Variants in FAF1 observed in about 807,000 individuals in gnomAD.
The protein encoded by FAF1 is FAS-associated factor 1.
A neutral mutation model predicts 92.5 loss-of-function variants in FAF1; 25 were observed. The ratio of observed to expected loss-of-function variants is 0.27; its 90% CI spans 0.20 to 0.38. The LOEUF is 0.38. Ranked by LOEUF, FAF1 falls within the 10% of genes least tolerant of loss-of-function variation. The probability of loss-of-function intolerance (pLI) is 1.00; values close to 1 mark genes in which losing one functional copy is unlikely to be tolerated. For missense variants in FAF1, 636 were observed against 793.3 expected, an observed-to-expected ratio of 0.80 and a Z score of 2.38; for synonymous variants, 234 against 273.2, an observed-to-expected ratio of 0.86 and a Z score of 1.42.
At chr1:50,454,901 C>G (rs1054889610) in intron 18 of FAF1, among the ~76,000 whole-genome samples, 2 of 152,222 alleles carry the variant, frequency 1.3e-5, no homozygotes, top group African/African-American at 2.4e-5. Flanking sequence ...TCCTAGCATA[C>G]TGCTGGAAAC....
intron 2 of FAF1, among the ~76,000 whole-genome samples, chr1:50,844,959 A>G (rs1644286061): frequency 6.6e-6 from 1 of 152,308 alleles, no homozygotes; most frequent in East Asian, 1.9e-4. Context: ...TAAAGGTTTA[A>G]TAAAATAAAA....
At chr1:50,550,713 G>A (rs1274696052) in intron 13 of FAF1, among the ~76,000 whole-genome samples, 5 of 151,974 alleles carry the variant, frequency 3.3e-5, no homozygotes, top group Non-Finnish European at 7.4e-5. Flanking sequence ...CTTTTACAGG[G>A]GATTTATATT....
At position 50,704,036 on chromosome 1, in the gene FAF1, G is replaced by T. The variant is rs374665574; in HGVS notation, c.657+1750C>A. 3.2e-4 allele frequency among the ~76,000 whole-genome samples: 49 copies of T among 152,224 alleles called. 1 individual carries two copies. In the South Asian group the frequency reaches 7.5e-3, roughly 23 times the overall value. ...TACTTTATAATCACCGAACATTAAT[G>T]AATATTTTATGTCTTTTTAAATCTC... On this transcript the variant is annotated intron_variant, in intron 7 of 18. Coordinates refer to ENST00000396153, the MANE Select transcript of FAF1 (RefSeq NM_007051.3).
intron 18 of FAF1, among the ~76,000 whole-genome samples, chr1:50,445,768 T>G (rs1335547583): frequency 6.6e-6 from 1 of 152,182 alleles, no homozygotes; most frequent in Non-Finnish European, 1.5e-5. Flanking sequence ...TTGTCTATAG[T>G]TAGAAAAGGA....
chr1:50,794,182 G>T (rs1661662424), intron 3 of FAF1, among the ~76,000 whole-genome samples: 1 of 152,202 alleles, frequency 6.6e-6, no homozygotes, highest in Non-Finnish European at 1.5e-5. Context: ...AAAGTTTCTA[G>T]AATGCAGTGG....
At chr1:50,959,621 CCA>C (rs144699454) in intron 1 of FAF1, 144 bp downstream of exon 1, 15,146 of 464,514 alleles carry the variant, frequency 0.033, no homozygotes, top group South Asian at 0.053. Flanking sequence ...CCATAGCTCG[CCA>C]CACACACACA....
At position 50,515,888 on chromosome 1, in the gene FAF1, A is replaced by G. The variant is rs116224281; in HGVS notation, c.1494+19481T>C. 2.2e-3 allele frequency among the ~76,000 whole-genome samples: 338 copies of G among 152,200 alleles called. 4 individuals carry two copies. The highest frequency in any genetic ancestry group is 3.7e-3 in the Non-Finnish European group (250 of 67,984). On this transcript the variant is annotated intron_variant, in intron 15 of 18. Transcript: ENST00000396153. ...CACTTCCAAGCTGTATCACATACCCAAATTTTTATGTTCTTCTTTCTTAAT... is the reference window on the plus strand; with the variant it reads ...CACTTCCAAGCTGTATCACATACCCGAATTTTTATGTTCTTCTTTCTTAAT...
At chr1:50,515,386 T>A (rs866891057) in intron 15 of FAF1, among the ~76,000 whole-genome samples, 46 of 152,234 alleles carry the variant, frequency 3.0e-4, no homozygotes, top group Middle Eastern at 6.8e-3. Context: ...AACCAGTGGT[T>A]CTTAAATTTT....
At chr1:50,476,892 A>G (rs2148999879) in intron 17 of FAF1, among the ~76,000 whole-genome samples, 1 of 152,360 alleles carries the variant, frequency 6.6e-6, no homozygotes, top group Non-Finnish European at 1.5e-5. Context: ...TCAGCTTATA[A>G]GCTGGTTCTT....
At chr1:50,482,437 A>G (rs2149003148) in intron 17 of FAF1, among the ~76,000 whole-genome samples, 1 of 152,282 alleles carries the variant, frequency 6.6e-6, no homozygotes, top group African/African-American at 2.4e-5. Context: ...AAACATTTTC[A>G]TACATATTTT....
chr1:50,612,145 T>C (rs569926058), intron 8 of FAF1, among the ~76,000 whole-genome samples: 1 of 152,188 alleles, frequency 6.6e-6, no homozygotes, highest in Non-Finnish European at 1.5e-5. Context: ...TTTCTGAAGA[T>C]ATTTTTCTTC....
At chr1:50,855,524 C>T (rs1013640497) in intron 2 of FAF1, among the ~76,000 whole-genome samples, 2 of 151,766 alleles carry the variant, frequency 1.3e-5, no homozygotes, top group African/African-American at 4.8e-5. Flanking sequence ...CTAGAAAATG[C>T]AGATCAGTGA....
At position 50,568,729 on chromosome 1, in the gene FAF1, T is replaced by C. The variant is rs557084844; in HGVS notation, c.1114-1498A>G. On this transcript the variant is annotated intron_variant, in intron 12 of 18. Coordinates refer to ENST00000396153, the MANE Select transcript of FAF1 (RefSeq NM_007051.3). ...ATACAACGAGGATTGGCTCTCAGAT[T>C]GTCTAACTCCAAGTCCAAGTAAGTG... Among the ~76,000 whole-genome samples, 54 of 152,268 alleles carry C rather than the reference T, an allele frequency of 3.5e-4. 1 individual carries two copies. The South Asian group carries it at 9.5e-3, about 27-fold the overall frequency.
At chr1:50,624,623 C>T (rs535103221) in intron 8 of FAF1, among the ~76,000 whole-genome samples, 1 of 152,112 alleles carries the variant, frequency 6.6e-6, no homozygotes, top group South Asian at 2.1e-4. Flanking sequence ...AGGGCTTCAA[C>T]ATATGAAAAG....
At chr1:50,640,348 A>C (rs1488076013) in intron 8 of FAF1, among the ~76,000 whole-genome samples, 2 of 149,690 alleles carry the variant, frequency 1.3e-5, no homozygotes, top group Non-Finnish European at 3.0e-5. Flanking sequence ...GCTGGAGTGC[A>C]GTGGTGCGAT....
chr1:50,610,066 CAAAG>C (rs922895348), intron 8 of FAF1, among the ~76,000 whole-genome samples: 8 of 151,964 alleles, frequency 5.3e-5, no homozygotes, highest in African/African-American at 1.9e-4. Context: ...AGACAGCTGT[CAAAG>C]AAAAAGACAA....
At chr1:50,799,118 G>C (rs1000234415) in intron 3 of FAF1, among the ~76,000 whole-genome samples, 2 of 152,066 alleles carry the variant, frequency 1.3e-5, no homozygotes, top group Non-Finnish European at 2.9e-5. Context: ...AGCTCTCAAA[G>C]GAAAAATCTT....
intron 8 of FAF1, among the ~76,000 whole-genome samples, chr1:50,618,812 ACT>A (rs1247214402): frequency 2.0e-5 from 3 of 149,746 alleles, no homozygotes; most frequent in Non-Finnish European, 4.4e-5. Context: ...GCAGTGGCAC[ACT>A]CTCAGCTCAC....
At chr1:50,791,882 T>A (rs575788936) in intron 3 of FAF1, among the ~76,000 whole-genome samples, 1 of 152,284 alleles carries the variant, frequency 6.6e-6, no homozygotes, top group South Asian at 2.1e-4. Context: ...CAGTGAAGAG[T>A]TCCCAGGAAA....
Sources: gnomAD v4.1 joint callset for allele counts (sites outside exome capture counted in the v4.1 genomes callset) on GRCh38, gnomAD v4.1.1 for gene constraint, MANE v1.5 for transcripts, NCBI Gene and HGNC (gene_info 2026-07-23, HGNC 2026-07-21) for gene names.